Variants in ADGRL2 observed in about 807,000 individuals in gnomAD.
The protein encoded by ADGRL2 is adhesion G protein-coupled receptor L2.
A neutral mutation model predicts 157.4 loss-of-function variants in ADGRL2; 44 were observed. The observed-to-expected ratio is 0.28, with a 90% CI of 0.22 to 0.36. The LOEUF (loss-of-function observed/expected upper bound fraction) is 0.36, where lower values mean the gene tolerates loss of function less well. Ranked by LOEUF, ADGRL2 falls within the 10% of genes least tolerant of loss-of-function variation. The pLI is 1.00. For missense variants in ADGRL2, 1,510 were observed against 1,768.9 expected (o/e 0.85, Z 2.63); for synonymous variants, 585 against 624.7 (o/e 0.94, Z 0.95).
chr1:81,709,899 T>A (rs2083867061), intron 1 of ADGRL2, among the ~76,000 whole-genome samples: 2 of 152,204 alleles, frequency 1.3e-5, no homozygotes, highest in Admixed American at 1.3e-4. Context: ...TAAAGTCAAT[T>A]GTTTGGCTAT....
chr1:81,984,091 A>G (rs1161952389), intron 19 of ADGRL2, among the ~76,000 whole-genome samples: 1 of 152,046 alleles, frequency 6.6e-6, no homozygotes, highest in Non-Finnish European at 1.5e-5. Flanking sequence ...TACAGAGGTT[A>G]CCCGCAGAAC....
At chr1:81,376,261 C>T (rs1005958526) in intron 1 of ADGRL2, among the ~76,000 whole-genome samples, 14 of 152,224 alleles carry the variant, frequency 9.2e-5, no homozygotes, top group African/African-American at 3.1e-4. Flanking sequence ...TTCCCAGCTG[C>T]CTGTGGGGTC....
intron 1 of ADGRL2, among the ~76,000 whole-genome samples, chr1:81,318,066 A>G (rs1016705331): frequency 2.6e-5 from 4 of 152,182 alleles, no homozygotes; most frequent in Non-Finnish European, 5.9e-5. Context: ...TATATTTGCA[A>G]TAAAATAGAA....
chr1:81,464,249 A>G (rs906073876), intron 2 of ADGRL2, among the ~76,000 whole-genome samples: 2 of 151,900 alleles, frequency 1.3e-5, no homozygotes, highest in Admixed American at 6.6e-5. Context: ...CTCTCTATTT[A>G]GTGCCTTCCT....
intron 1 of ADGRL2, among the ~76,000 whole-genome samples, chr1:81,382,783 G>C (rs1335977678): frequency 6.6e-6 from 1 of 152,206 alleles, no homozygotes; most frequent in Admixed American, 6.5e-5. Flanking sequence ...AGGAGTAATA[G>C]AAAATATGGA....
chr1:81,327,129 C>T (rs1660958044), intron 1 of ADGRL2, among the ~76,000 whole-genome samples: 1 of 152,086 alleles, frequency 6.6e-6, no homozygotes, highest in Admixed American at 6.6e-5. Flanking sequence ...CCTTCTTTAT[C>T]TGAGAGTCTC....
At chr1:81,320,376 T>C (rs1214364626) in intron 1 of ADGRL2, among the ~76,000 whole-genome samples, 1 of 152,252 alleles carries the variant, frequency 6.6e-6, no homozygotes, top group Non-Finnish European at 1.5e-5. Context: ...GAATCATGAA[T>C]GTCTTAATGG....
At chr1:81,475,021 TA>T (rs914070343) in intron 2 of ADGRL2, among the ~76,000 whole-genome samples, 44 of 152,298 alleles carry the variant, frequency 2.9e-4, no homozygotes, top group African/African-American at 7.9e-4. Flanking sequence ...ACCCAGGGCC[TA>T]AAAGCAGTCA....
At chr1:81,897,091 T>C (rs1245657259) in intron 2 of ADGRL2, among the ~76,000 whole-genome samples, 1 of 152,160 alleles carries the variant, frequency 6.6e-6, no homozygotes, top group East Asian at 1.9e-4. Context: ...TAGATGTTAA[T>C]TGGAGGAAAC....
intron 1 of ADGRL2, among the ~76,000 whole-genome samples, chr1:81,805,520 A>G (rs919948257): frequency 1.1e-4 from 16 of 151,984 alleles, no homozygotes; most frequent in African/African-American, 3.9e-4. Context: ...ATGAATTCCA[A>G]TATAACAATT....
At chr1:81,375,434 T>C (rs554307970) in intron 1 of ADGRL2, among the ~76,000 whole-genome samples, 196 of 152,282 alleles carry the variant, frequency 1.3e-3, no homozygotes, top group African/African-American at 4.5e-3. Context: ...TACAATAATA[T>C]ACAGGTATAA....
At chr1:81,627,026 G>A (rs933278821) in intron 3 of ADGRL2, among the ~76,000 whole-genome samples, 1 of 151,964 alleles carries the variant, frequency 6.6e-6, no homozygotes, top group Non-Finnish European at 1.5e-5. Flanking sequence ...TGCCAAGCCA[G>A]GTACACATCC....
chr1:81,840,864 G>A (rs2092548641), intron 2 of ADGRL2, among the ~76,000 whole-genome samples: 1 of 152,016 alleles, frequency 6.6e-6, no homozygotes, highest in Non-Finnish European at 1.5e-5. Context: ...TCAGATTCTT[G>A]AAAAGTCAGT....
chr1:81,646,526 G>A (rs1472421249), intron 3 of ADGRL2, among the ~76,000 whole-genome samples: 4 of 152,142 alleles, frequency 2.6e-5, no homozygotes, highest in African/African-American at 7.2e-5. Flanking sequence ...GTTCTGAAAG[G>A]CAATGTGGTA....
intron 1 of ADGRL2, among the ~76,000 whole-genome samples, chr1:81,720,825 A>G (rs755248888): frequency 6.6e-6 from 1 of 151,290 alleles, no homozygotes; most frequent in Non-Finnish European, 1.5e-5. Context: ...AAAACTGGAT[A>G]ACTTGTGAGT....
intron 11 of ADGRL2, among the ~76,000 whole-genome samples, chr1:81,959,829 C>T (rs1326927373): frequency 6.7e-6 from 1 of 149,994 alleles, no homozygotes; most frequent in Non-Finnish European, 1.5e-5. Context: ...AGATGGAGTT[C>T]CACTCTTGTT....
At chr1:81,924,618 T>C (rs2095062844) in intron 3 of ADGRL2, among the ~76,000 whole-genome samples, 1 of 152,062 alleles carries the variant, frequency 6.6e-6, no homozygotes, top group Non-Finnish European at 1.5e-5. Flanking sequence ...ATTGCACCTA[T>C]ATTAATGAAG....
chr1:81,376,868 T>A (rs2076259481), intron 1 of ADGRL2, among the ~76,000 whole-genome samples: 2 of 152,096 alleles, frequency 1.3e-5, no homozygotes, highest in South Asian at 4.1e-4. Flanking sequence ...GTCAAGAAGA[T>A]AAATTCATGA....
At chr1:81,971,339 T>C (rs1030201343) in intron 16 of ADGRL2, among the ~76,000 whole-genome samples, 13 of 152,188 alleles carry the variant, frequency 8.5e-5, no homozygotes, top group African/African-American at 3.1e-4. Context: ...TTGATATCCT[T>C]TTCTAGCATT....
Sources: allele counts gnomAD v4.1 joint callset (sites outside exome capture counted in the v4.1 genomes callset), GRCh38; gene constraint gnomAD v4.1.1; transcripts MANE v1.5; gene names NCBI Gene and HGNC (gene_info 2026-07-23, HGNC 2026-07-21).